Variants in DDX4 observed in about 807,000 individuals in gnomAD.
DDX4 encodes the protein DEAD-box helicase 4.
In DDX4, 25 loss-of-function variants were observed where a neutral mutation model predicts 100.0. The ratio of observed to expected loss-of-function variants is 0.25; its 90% CI spans 0.18 to 0.35. The LOEUF is 0.35. Among genes scored for constraint, DDX4 ranks in the 10% least tolerant of loss-of-function variants. DDX4 has a pLI of 1.00. For missense variants in DDX4, 635 were observed against 882.4 expected (o/e 0.72, Z 3.55); for synonymous variants, 259 against 275.7 (o/e 0.94, Z 0.60).
intron 18 of DDX4, among the ~76,000 whole-genome samples, chr5:55,801,214 T>C (rs1448266477): frequency 1.4e-5 from 2 of 142,806 alleles, no homozygotes; most frequent in African/African-American, 5.2e-5. Flanking sequence ...CATGATGGGG[T>C]GTTTTTTTTT....
intron 15 of DDX4, among the ~76,000 whole-genome samples, chr5:55,789,788 A>G (rs981021192): frequency 6.6e-6 from 1 of 152,198 alleles, no homozygotes; most frequent in Non-Finnish European, 1.5e-5. Context: ...TTGCACACTC[A>G]TGAGGCCAGC....
Position 55,746,237 on chromosome 5 carries a change from A to G in DDX4, c.127+16A>G. On this transcript the variant is annotated intron_variant, in intron 3 of 21. Transcript: ENST00000505374. ...TCATCATCAGGTATGTGTTATGGGA[A>G]AAAGGTAAAACCCTTTTTAGTTTAA... 1 of 1,602,446 alleles carries G rather than the reference A, an allele frequency of 6.2e-7. No individual in the cohort carries two copies. The highest frequency in any genetic ancestry group is 1.7e-4 in the Middle Eastern group (1 of 6,018).
At chr5:55,803,549 C>T (rs1743471433) in intron 18 of DDX4, among the ~76,000 whole-genome samples, 2 of 138,818 alleles carry the variant, frequency 1.4e-5, no homozygotes, top group South Asian at 4.7e-4. Flanking sequence ...TTGTTCAATT[C>T]CCACCTATGA....
intron 4 of DDX4, among the ~76,000 whole-genome samples, chr5:55,762,763 A>G (rs1037015248): frequency 2.0e-5 from 3 of 152,168 alleles, no homozygotes. Context: ...GATATGATAA[A>G]TATAAGAAAT....
chr5:55,777,430 T>C (rs1741633012), intron 7 of DDX4: 1 of 152,060 alleles, frequency 6.6e-6, no homozygotes, highest in African/African-American at 2.4e-5. Flanking sequence ...CTAAATCTTG[T>C]CTCTACAAAA....
intron 17 of DDX4, 136 bp from the exon 18 acceptor site, chr5:55,798,290 A>G (rs1426510762): frequency 2.5e-5 from 23 of 912,256 alleles, no homozygotes; most frequent in Non-Finnish European, 3.3e-5. Flanking sequence ...TGGGTGATAT[A>G]AGTAACCAAC....
chr5:55,815,485 A>C, intron 21 of DDX4, 62 bp downstream of exon 21: 1 of 1,551,768 alleles, frequency 6.4e-7, no homozygotes, highest in Non-Finnish European at 8.6e-7. Context: ...TGTTGTGCTT[A>C]ATATTGTGAA....
At chr5:55,801,468 A>G (rs1465158886) in intron 18 of DDX4, among the ~76,000 whole-genome samples, 1 of 152,184 alleles carries the variant, frequency 6.6e-6, no homozygotes, top group African/African-American at 2.4e-5. Context: ...TTTACTGAGA[A>G]TCATTGGCAT....
chr5:55,760,425 C>A, intron 4 of DDX4, 148 bp downstream of exon 4: 2 of 801,000 alleles, frequency 2.5e-6, no homozygotes, highest in Non-Finnish European at 3.5e-6. Flanking sequence ...ATCATTTTTC[C>A]AAGTTCATTT....
chr5:55,787,864 A>C lies in DDX4; in HGVS notation c.1036A>C (p.Ile346Leu). The C allele has an allele frequency of 6.2e-7, 1 of 1,612,970 alleles. No homozygotes were observed. The highest frequency in any genetic ancestry group is 1.1e-5 in the South Asian group (1 of 90,704). The change falls in exon 15 of 22, where the codon ATT (isoleucine) becomes CTT (leucine). Residue 346 changes from isoleucine to leucine, a missense_variant. By Grantham distance (5) the Ile-to-Leu change is conservative (BLOSUM62 2). Transcript: ENST00000505374. ...CTTCTAGGCGGCTTTTCTCCTACCA[A>C]TTTTGGCTCATATGATGCATGATGG... ...SGKTAAFLLP[I>L]LAHMMHDGIT...
Position 55,790,689 on chromosome 5 carries a change from T to C in DDX4, c.1286T>C (p.Ile429Thr). 1 of 1,612,042 alleles carries C rather than the reference T, an allele frequency of 6.2e-7. No homozygotes were observed. Among genetic ancestry groups the C allele is most frequent in the Non-Finnish European group, 8.5e-7 (1 of 1,178,462 alleles). ...GCTACTCCTGGAAGACTGATGGATA[T>C]CATAGGCAAAGAAAAGGTACGCCTT... ...LCATPGRLMD[I>T]IGKEKIGLKQ... The change falls in exon 16 of 22, where the codon ATC becomes ACC. Residue 429 changes from isoleucine to threonine, a missense_variant. Transcript: ENST00000505374.
intron 18 of DDX4, among the ~76,000 whole-genome samples, chr5:55,810,658 T>C (rs1744073027): frequency 6.6e-6 from 1 of 152,194 alleles, no homozygotes; most frequent in Non-Finnish European, 1.5e-5. Context: ...AACTCTTAAA[T>C]AGTAATACAT....
At chr5:55,805,871 A>G (rs986330868) in intron 18 of DDX4, among the ~76,000 whole-genome samples, 4 of 152,144 alleles carry the variant, frequency 2.6e-5, no homozygotes, top group South Asian at 2.1e-4. Context: ...CTCTTTTTCT[A>G]TTGATTGGAA....
chr5:55,741,305 AAT>A (rs1758969848), intron 2 of DDX4, among the ~76,000 whole-genome samples: 1 of 152,194 alleles, frequency 6.6e-6, no homozygotes, highest in Admixed American at 6.5e-5. Context: ...TACTAAATTG[AAT>A]ATGTTGACCA....
At chr5:55,747,361 A>G (rs1759299569) in intron 3 of DDX4, among the ~76,000 whole-genome samples, 1 of 152,138 alleles carries the variant, frequency 6.6e-6, no homozygotes, top group Non-Finnish European at 1.5e-5. Context: ...CTGGAGATGG[A>G]GTGAGACTCT....
intron 16 of DDX4, among the ~76,000 whole-genome samples, chr5:55,792,351 T>A (rs1451299789): frequency 2.0e-5 from 3 of 151,412 alleles, no homozygotes; most frequent in African/African-American, 4.8e-5. Flanking sequence ...ATTTTATTTT[T>A]TTTTATTTTT....
At chr5:55,787,415 T>C (rs1366634939) in intron 14 of DDX4, among the ~76,000 whole-genome samples, 1 of 152,164 alleles carries the variant, frequency 6.6e-6, no homozygotes, top group Non-Finnish European at 1.5e-5. Context: ...GTAATACAGA[T>C]GATGATTTCT....
chr5:55,749,690 C>A (rs1040754654), intron 3 of DDX4, among the ~76,000 whole-genome samples: 2 of 152,000 alleles, frequency 1.3e-5, no homozygotes, highest in Non-Finnish European at 2.9e-5. Flanking sequence ...TTCTATGTTG[C>A]TTTTGCTGAT....
At position 55,813,715 on chromosome 5, in the gene DDX4, C is replaced by T; in HGVS notation, c.1658C>T (p.Ala553Val). ...TMVFVETKKK[A>V]DFIATFLCQE... ...GTCTTTGTTGAAACTAAGAAAAAAGCAGATTTTATTGCAACTTTTCTTTGT... is the reference window on the plus strand; with the variant it reads ...GTCTTTGTTGAAACTAAGAAAAAAGTAGATTTTATTGCAACTTTTCTTTGT... Residue 553 changes from alanine to valine, a missense_variant, in exon 19 of 22, where the codon GCA (alanine) becomes GTA (valine). Physicochemically the swap from Ala to Val is moderately conservative, Grantham distance 64. Around this residue, in one of 4 missense-constraint regions of DDX4, gnomAD observed 115 missense variants for 224.7 expected, o/e 0.51. Coordinates refer to ENST00000505374, the MANE Select transcript of DDX4 (RefSeq NM_024415.3). The T allele has an allele frequency of 3.1e-6, 5 of 1,598,216 alleles. No homozygotes were observed. Among genetic ancestry groups the T allele is most frequent in the Non-Finnish European group, 4.3e-6 (5 of 1,173,322 alleles).
Sources: gnomAD v4.1 joint callset for allele counts (sites outside exome capture counted in the v4.1 genomes callset) on GRCh38, gnomAD v4.1.1 for gene constraint, gnomAD v4.1.1 regional missense constraint, MANE v1.5 for transcripts, NCBI Gene and HGNC (gene_info 2026-07-23, HGNC 2026-07-21) for gene names.